ROBO2: variants seen among roughly 807,000 people sequenced by gnomAD.
The protein encoded by ROBO2 is roundabout guidance receptor 2, also known as roundabout homolog 2.
Under a neutral mutation model 160.8 loss-of-function variants are expected in ROBO2, and 53 were observed. That is an observed-to-expected ratio of 0.33 (90% CI 0.26 to 0.41). The LOEUF (loss-of-function observed/expected upper bound fraction) is 0.41, where lower values mean the gene tolerates loss of function less well. ROBO2 is among the 10% of genes least tolerant of loss of function. ROBO2 has a pLI of 1.00. For synonymous variants in ROBO2, 664 were observed against 611.7 expected (o/e 1.09, Z -1.26); for missense variants, 1,577 against 1,722.4 (o/e 0.92, Z 1.49).
chr3:76,914,527 G>C (rs1021223053), intron 2 of ROBO2, among the ~76,000 whole-genome samples: 4 of 151,814 alleles, frequency 2.6e-5, no homozygotes, highest in African/African-American at 9.7e-5. Flanking sequence ...TGACTTTTCT[G>C]AAGAGCCACT....
chr3:76,364,449 A>G (rs1375887839), intron 2 of ROBO2, among the ~76,000 whole-genome samples: 3 of 152,068 alleles, frequency 2.0e-5, no homozygotes. Flanking sequence ...CTGTATTCCT[A>G]AAACCTAGAA....
At chr3:77,530,699 A>C (rs2091639121) in intron 6 of ROBO2, among the ~76,000 whole-genome samples, 1 of 152,020 alleles carries the variant, frequency 6.6e-6, no homozygotes, top group African/African-American at 2.4e-5. Flanking sequence ...AAATCTAGGC[A>C]ACTATCACTT....
intron 2 of ROBO2, among the ~76,000 whole-genome samples, chr3:77,001,196 G>T (rs2061319917): frequency 6.6e-6 from 1 of 152,148 alleles, no homozygotes; most frequent in Admixed American, 6.6e-5. Flanking sequence ...AAATAGGGCA[G>T]GAACAGAGCT....
intron 2 of ROBO2, among the ~76,000 whole-genome samples, chr3:75,968,047 A>G (rs1262379230): frequency 1.3e-5 from 2 of 151,600 alleles, no homozygotes; most frequent in Non-Finnish European, 3.0e-5. Context: ...TAAATTTACA[A>G]TAGTTTGTTT....
chr3:76,345,783 TGAAA>T (rs1157610617), intron 2 of ROBO2, among the ~76,000 whole-genome samples: 10 of 152,160 alleles, frequency 6.6e-5, no homozygotes, highest in Non-Finnish European at 1.3e-4. Context: ...ATTGAATTGC[TGAAA>T]GTTTTATTTA....
chr3:77,357,774 T>A (rs977063444), intron 2 of ROBO2, among the ~76,000 whole-genome samples: 1 of 152,142 alleles, frequency 6.6e-6, no homozygotes, highest in Non-Finnish European at 1.5e-5. Context: ...GGTCCTAGCC[T>A]TAAATCAGTT....
intron 2 of ROBO2, among the ~76,000 whole-genome samples, chr3:76,345,465 C>T (rs1239173779): frequency 7.3e-6 from 1 of 136,642 alleles, no homozygotes; most frequent in Non-Finnish European, 1.6e-5. Context: ...TTTTTAAGCA[C>T]AGGGGAAATA....
chr3:77,067,452 T>C (rs1002154828), intron 1 of ROBO2, among the ~76,000 whole-genome samples: 4 of 152,202 alleles, frequency 2.6e-5, no homozygotes, highest in African/African-American at 9.6e-5. Flanking sequence ...TATCCCTGTA[T>C]ACCGAATTAG....
chr3:76,647,513 G>T (rs1214005462), intron 2 of ROBO2, among the ~76,000 whole-genome samples: 4 of 152,086 alleles, frequency 2.6e-5, no homozygotes, highest in East Asian at 1.9e-4. Flanking sequence ...GTAAAAGAAA[G>T]AAAAAATTGA....
chr3:76,599,718 T>A (rs2086991015), intron 2 of ROBO2, among the ~76,000 whole-genome samples: 1 of 152,148 alleles, frequency 6.6e-6, no homozygotes, highest in South Asian at 2.1e-4. Context: ...CCTGTTAGTT[T>A]TTTACTTTTC....
chr3:77,130,399 T>A (rs767276104), intron 2 of ROBO2, among the ~76,000 whole-genome samples: 2 of 151,938 alleles, frequency 1.3e-5, no homozygotes, highest in Non-Finnish European at 2.9e-5. Flanking sequence ...TTCATTTCCA[T>A]AATCTAAAAT....
intron 2 of ROBO2, among the ~76,000 whole-genome samples, chr3:77,018,477 C>G (rs1250513267): frequency 6.6e-6 from 1 of 152,084 alleles, no homozygotes; most frequent in Non-Finnish European, 1.5e-5. Context: ...TAATGAGGTA[C>G]TTAGGTTTCT....
At chr3:76,577,493 G>T (rs968926204) in intron 2 of ROBO2, among the ~76,000 whole-genome samples, 1 of 152,044 alleles carries the variant, frequency 6.6e-6, no homozygotes, top group Non-Finnish European at 1.5e-5. Context: ...AGCAGAAACT[G>T]TCCAAATCAA....
At chr3:77,456,571 GAA>G (rs2081661500) in intron 2 of ROBO2, among the ~76,000 whole-genome samples, 1 of 152,168 alleles carries the variant, frequency 6.6e-6, no homozygotes, top group Non-Finnish European at 1.5e-5. Context: ...AAAAAGAAAA[GAA>G]AAGAAAACAA....
intron 2 of ROBO2, among the ~76,000 whole-genome samples, chr3:77,383,982 T>C (rs1182252860): frequency 1.3e-5 from 2 of 152,124 alleles, no homozygotes; most frequent in African/African-American, 2.4e-5. Flanking sequence ...CTATCAAACA[T>C]TGGAGAAGTA....
chr3:76,953,037 T>A (rs1257472470), intron 2 of ROBO2, among the ~76,000 whole-genome samples: 1 of 152,170 alleles, frequency 6.6e-6, no homozygotes, highest in Non-Finnish European at 1.5e-5. Context: ...GTACTAATCC[T>A]GATATTTTAA....
chr3:76,070,921 G>T (rs920990554), intron 2 of ROBO2, among the ~76,000 whole-genome samples: 1 of 152,166 alleles, frequency 6.6e-6, no homozygotes, highest in Non-Finnish European at 1.5e-5. Context: ...ACGAAAACAA[G>T]TGTAAAAAGA....
intron 2 of ROBO2, among the ~76,000 whole-genome samples, chr3:76,491,963 G>A (rs114035392): frequency 1.1e-3 from 173 of 152,152 alleles, no homozygotes; most frequent in Non-Finnish European, 1.0e-3. Flanking sequence ...AAAAAAATTA[G>A]CTGGATGTGG....
At chr3:75,953,332 A>G (rs1948616205) in intron 2 of ROBO2, among the ~76,000 whole-genome samples, 1 of 151,932 alleles carries the variant, frequency 6.6e-6, no homozygotes, top group Non-Finnish European at 1.5e-5. Context: ...CACTGTTGCT[A>G]TGACTTGCAG....
Sources: gnomAD v4.1 joint callset for allele counts (sites outside exome capture counted in the v4.1 genomes callset) on GRCh38, gnomAD v4.1.1 for gene constraint, MANE v1.5 for transcripts, NCBI Gene and HGNC (gene_info 2026-07-23, HGNC 2026-07-21) for gene names.